COL6A3: variants seen among roughly 807,000 people sequenced by gnomAD.
COL6A3 encodes collagen type VI alpha 3 chain, also known as collagen alpha-3(VI) chain.
Under a neutral mutation model 274.1 loss-of-function variants are expected in COL6A3, and 137 were observed. That is an observed-to-expected ratio of 0.50 (90% CI 0.44 to 0.58). The LOEUF (loss-of-function observed/expected upper bound fraction) is 0.58, where lower values mean the gene tolerates loss of function less well. Ranked by LOEUF, COL6A3 falls within the 20% of genes least tolerant of loss-of-function variation. The pLI is 0.00. For missense variants in COL6A3, 3,950 were observed against 4,124.9 expected, an observed-to-expected ratio of 0.96 and a Z score of 1.16; for synonymous variants, 1,650 against 1,650.6, an observed-to-expected ratio of 1.00 and a Z score of 0.01.
In COL6A3 at chr2:237,332,070, C is replaced by CATATATATATAT. The variant is rs58082340; in HGVS notation, c.9328+1368_9328+1379dup. ...CCCCCCATCTCTCTCTCTCTCTCTA[C>CATATATATATAT]ATATATATATATATATATATATATA... On this transcript the variant is annotated intron_variant, in intron 42 of 43. Transcript: ENST00000295550. Among the ~76,000 whole-genome samples, 79 of 35,156 alleles carry CATATATATATAT rather than the reference C, an allele frequency of 2.2e-3. 3 individuals carry two copies. Among genetic ancestry groups the CATATATATATAT allele is most frequent in the South Asian group, 4.1e-3 (2 of 486 alleles). The allele number at this position is 35,156 out of a possible 152,430, so 23.1% of individuals were successfully genotyped here.
At chr2:237,405,704 C>T (rs1017970009) in intron 1 of COL6A3, among the ~76,000 whole-genome samples, 4 of 152,096 alleles carry the variant, frequency 2.6e-5, no homozygotes, top group Admixed American at 1.3e-4. Flanking sequence ...GAACCCTAAC[C>T]CAAGTTAGCA....
chr2:237,357,770 C>A (rs1245624111), intron 22 of COL6A3, 47 bp downstream of exon 22: 2 of 1,592,038 alleles, frequency 1.3e-6, no homozygotes, highest in African/African-American at 1.3e-5. Context: ...TGTGTCCTTT[C>A]TCTTGCCCTC....
At chr2:237,358,455 T>C in intron 21 of COL6A3, 66 bp downstream of exon 21, 2 of 1,264,426 alleles carry the variant, frequency 1.6e-6, no homozygotes, top group South Asian at 2.4e-5. Flanking sequence ...CTTCCTTTCA[T>C]CCCCCTTTCC....
At position 237,385,218 on chromosome 2, in the gene COL6A3, C is replaced by T. The variant is rs79284024; in HGVS notation, c.1312+2364G>A. ...TCTTTCCCCATTATCCTGTAACAGACGAGCAGCCACATCTGTCTCATTAAA... is the reference window on the plus strand; with the variant it reads ...TCTTTCCCCATTATCCTGTAACAGATGAGCAGCCACATCTGTCTCATTAAA... On this transcript the variant is annotated intron_variant, in intron 4 of 43. Coordinates refer to ENST00000295550, the MANE Select transcript of COL6A3 (RefSeq NM_004369.4). Among the ~76,000 whole-genome samples the T allele has an allele frequency of 4.3e-3, 650 of 152,286 alleles. 1 individual carries two copies. The highest frequency in any genetic ancestry group is 7.0e-3 in the Non-Finnish European group (478 of 68,018).
At position 237,350,167 on chromosome 2, in the gene COL6A3, G is replaced by C; in HGVS notation, c.6859C>G (p.Arg2287Gly). 1 of 1,614,064 alleles carries C rather than the reference G, an allele frequency of 6.2e-7. No individual in the cohort carries two copies. The highest frequency in any genetic ancestry group is 8.5e-7 in the Non-Finnish European group (1 of 1,179,994). The change falls in exon 28 of 44, where the codon CGG becomes GGG. Residue 2287 changes from arginine (R) to glycine (G), a missense_variant. Transcript: ENST00000295550. ...CTTACCGTCTCCCCACGAGGGCCCC[G>C]GTTCCCGATTCCTCCTTTTGGTCCT... ...EPGPKGGIGNRGPRGETGDDG... is the reference protein window; with the variant it reads ...EPGPKGGIGNGGPRGETGDDG...
chr2:237,360,565 T>C (rs1364636726), intron 16 of COL6A3, among the ~76,000 whole-genome samples: 23 of 152,138 alleles, frequency 1.5e-4, no homozygotes. Context: ...CTGTTCCTCG[T>C]GAGCCCCTCT....
At chr2:237,382,844 G>C (rs2078042578) in intron 4 of COL6A3, among the ~76,000 whole-genome samples, 1 of 152,148 alleles carries the variant, frequency 6.6e-6, no homozygotes, top group South Asian at 2.1e-4. Context: ...CTGGAGTGCA[G>C]TGGCATGATC....
intron 1 of COL6A3, among the ~76,000 whole-genome samples, chr2:237,399,623 A>G (rs1173112014): frequency 1.3e-5 from 2 of 152,254 alleles, no homozygotes; most frequent in Non-Finnish European, 2.9e-5. Context: ...ACCTTAATAT[A>G]TAGCAGTTCT....
chr2:237,359,141 T>G lies in COL6A3; in HGVS notation c.6355-53A>C, dbSNP rs561679086. On this transcript the variant is annotated intron_variant, in intron 19 of 43. Transcript: ENST00000295550. Reference sequence around the variant, plus strand: ...ACCTGCTGCAATTTCTATCACAGACTGAGTTGTTAGTTTCTGGAATCTTCA... The same window carrying G: ...ACCTGCTGCAATTTCTATCACAGACGGAGTTGTTAGTTTCTGGAATCTTCA... 2.3e-5 allele frequency: 37 copies of G among 1,613,698 alleles called. No homozygotes were observed. In the East Asian group the frequency reaches 7.6e-4, roughly 33 times the overall value.
intron 4 of COL6A3, among the ~76,000 whole-genome samples, chr2:237,383,997 T>C (rs1232041699): frequency 2.0e-5 from 3 of 152,168 alleles, no homozygotes; most frequent in Admixed American, 2.0e-4. Context: ...TACGTTTGAT[T>C]TTTATTCAAG....
intron 30 of COL6A3, 36 bp from the exon 31 acceptor site, chr2:237,347,905 T>C (rs1195909366): frequency 6.3e-7 from 1 of 1,588,270 alleles, no homozygotes; most frequent in South Asian, 1.1e-5. Flanking sequence ...CAGTAAGCTT[T>C]GGAACAGAAG....
At position 237,361,362 on chromosome 2, in the gene COL6A3, C is replaced by T. The variant is rs572583149; in HGVS notation, c.6157-188G>A. On this transcript the variant is annotated intron_variant, in intron 15 of 43. Transcript: ENST00000295550. The surrounding 1 kb of genome is among the most constrained non-coding windows in gnomAD (Gnocchi z 5.1). ...TATCAGGATCTCTAAGGCTCCTGCT[C>T]TGCCAAGAAAGCCTGTTAGTTCCTA... Among the ~76,000 whole-genome samples the T allele has an allele frequency of 2.6e-5, 4 of 152,338 alleles. No homozygotes were observed. The East Asian group carries it at 7.7e-4, about 29-fold the overall frequency.
chr2:237,352,478 C>A (rs761571849), intron 26 of COL6A3, 44 bp downstream of exon 26: 68 of 1,572,072 alleles, frequency 4.3e-5, no homozygotes, highest in Non-Finnish European at 5.7e-5. Flanking sequence ...GGCAATGTGC[C>A]CTCTGTTCAG....
chr2:237,369,224 C>T (rs562620199), intron 9 of COL6A3, 47 bp from the exon 10 acceptor site: 2 of 1,598,896 alleles, frequency 1.3e-6, no homozygotes, highest in East Asian at 4.5e-5. Flanking sequence ...TGTAAGTAGC[C>T]CTCACCCAGG....
At position 237,368,936 on chromosome 2, in the gene COL6A3, T is replaced by G; in HGVS notation, c.4527A>C (p.Arg1509Ser). 3.7e-6 allele frequency: 6 copies of G among 1,614,190 alleles called. No individual in the cohort carries two copies. Among genetic ancestry groups the G allele is most frequent in the Non-Finnish European group, 5.1e-6 (6 of 1,180,022 alleles). ...TGCCAGTGTTCAGTGGGGACCCCCC[T>G]CTGAGCCTCAGGCGCCGTATGGCGT... ...VLDAIRRLRLRGGSPLNTGKA... is the reference protein window; with the variant it reads ...VLDAIRRLRLSGGSPLNTGKA... Residue 1509 changes from arginine (R) to serine (S), a missense_variant, in exon 10 of 44, where the codon AGA becomes AGC. Physicochemically the swap from Arg to Ser is moderately radical, Grantham distance 110 (BLOSUM62 -1). Around this residue, in one of 5 missense-constraint regions of COL6A3, gnomAD observed 1,934 missense variants for 1,984.3 expected, o/e 0.97. Coordinates refer to ENST00000295550, the MANE Select transcript of COL6A3 (RefSeq NM_004369.4). The surrounding 1 kb of genome is among the most constrained non-coding windows in gnomAD (Gnocchi z 4.4).
In COL6A3 at chr2:237,350,188, G is replaced by C; in HGVS notation, c.6838C>G (p.Pro2280Ala). The C allele has an allele frequency of 6.2e-7, 1 of 1,614,062 alleles. No homozygotes were observed. Among genetic ancestry groups the C allele is most frequent in the East Asian group, 2.2e-5 (1 of 44,882 alleles). The change falls in exon 28 of 44, where the codon CCA becomes GCA. Residue 2280 changes from proline to alanine, a missense_variant. By Grantham distance (27) the Pro-to-Ala change is conservative. Coordinates refer to ENST00000295550, the MANE Select transcript of COL6A3 (RefSeq NM_004369.4). ...GRKGEPGEPG[P>A]KGGIGNRGPR... ...CCCCGGTTCCCGATTCCTCCTTTTGGTCCTGGCTCTCCGGGCTCACCCTAG... is the reference window on the plus strand; with the variant it reads ...CCCCGGTTCCCGATTCCTCCTTTTGCTCCTGGCTCTCCGGGCTCACCCTAG...
chr2:237,346,423 C>T lies in COL6A3; in HGVS notation c.7092+80G>A, dbSNP rs2077098105. On this transcript the variant is annotated intron_variant, in intron 32 of 43. Coordinates refer to ENST00000295550, the MANE Select transcript of COL6A3 (RefSeq NM_004369.4). The stretch of plus-strand genomic sequence containing the variant: ...AGAGCACATTTTCTTGTGAGCAAAG[C>T]AGATGGTGGGAAGTTTTCAGGGACC... The T allele has an allele frequency of 5.0e-6, 6 of 1,199,890 alleles. No individual in the cohort carries two copies. In the Admixed American group the frequency reaches 6.7e-5, roughly 13 times the overall value. 74.3% of individuals were successfully genotyped at this position (1,199,890 alleles called of 1,614,324 possible).
chr2:237,363,513 T>A, intron 13 of COL6A3, 115 bp from the exon 14 acceptor site: 2 of 1,157,930 alleles, frequency 1.7e-6, no homozygotes, highest in Non-Finnish European at 2.5e-6. Context: ...GCTTTTAACT[T>A]AAATATATTT....
chr2:237,378,107 T>C (rs1574718405), intron 6 of COL6A3, among the ~76,000 whole-genome samples: 2 of 152,356 alleles, frequency 1.3e-5, no homozygotes, highest in South Asian at 4.1e-4. Flanking sequence ...CTTACCACCA[T>C]AATAATTTGC....
Sources: allele counts gnomAD v4.1 joint callset (sites outside exome capture counted in the v4.1 genomes callset), GRCh38; gene constraint gnomAD v4.1.1; regional missense constraint gnomAD v4.1.1; non-coding constraint Gnocchi (gnomAD v3.1); transcripts MANE v1.5; gene names NCBI Gene and HGNC (gene_info 2026-07-23, HGNC 2026-07-21).